The following RPL21 variants were observed in gnomAD, a reference collection of about 807,000 sequenced individuals.
RPL21 encodes the protein large ribosomal subunit protein eL21.
RPL21 carries 1 observed loss-of-function variant against 21.2 expected under a neutral mutation model. The observed-to-expected ratio is 0.05, with a 90% CI of 0.02 to 0.22. The LOEUF (loss-of-function observed/expected upper bound fraction) is 0.22, where lower values mean the gene tolerates loss of function less well. Ranked by LOEUF, RPL21 falls within the 10% of genes least tolerant of loss-of-function variation. The pLI is 1.00. For synonymous variants in RPL21, 52 were observed against 62.9 expected (o/e 0.83, Z 0.82); for missense variants, 113 against 199.4 (o/e 0.57, Z 2.61).
intron 4 of RPL21, chr13:27,255,920 T>C: frequency 2.5e-6 from 1 of 403,790 alleles, no homozygotes; most frequent in Non-Finnish European, 4.5e-6. Flanking sequence ...CTTTTAAATT[T>C]TATTAGCAGT....
At chr13:27,253,062 T>C (rs1046011619) in intron 1 of RPL21, among the ~76,000 whole-genome samples, 1 of 152,228 alleles carries the variant, frequency 6.6e-6, no homozygotes, top group Non-Finnish European at 1.5e-5. Context: ...TACTGAGCAC[T>C]TTACACGGGC....
intron 1 of RPL21, among the ~76,000 whole-genome samples, chr13:27,252,198 T>C (rs570433386): frequency 6.6e-6 from 1 of 152,170 alleles, no homozygotes; most frequent in Non-Finnish European, 1.5e-5. Flanking sequence ...TCCGACTGTT[T>C]TTAAAATTTT....
At chr13:27,254,901 A>C (rs773250096) in intron 3 of RPL21, 1 of 406,322 alleles carries the variant, frequency 2.5e-6, no homozygotes, top group Non-Finnish European at 4.7e-6. Context: ...AGCTAGTGGA[A>C]ATTGGGTGGT....
At chr13:27,252,585 G>C (rs1196692012) in intron 1 of RPL21, among the ~76,000 whole-genome samples, 1 of 150,672 alleles carries the variant, frequency 6.6e-6, no homozygotes, top group African/African-American at 2.4e-5. Context: ...TATGCCACTT[G>C]GTGATTCCAC....
intron 1 of RPL21, among the ~76,000 whole-genome samples, chr13:27,253,524 C>T (rs1473651573): frequency 6.6e-6 from 1 of 152,162 alleles, no homozygotes; most frequent in Non-Finnish European, 1.5e-5. Flanking sequence ...AGTTTGGATT[C>T]TCGTATCAAG....
At chr13:27,253,631 C>A in intron 1 of RPL21, 134 bp from the exon 2 acceptor site, 1 of 679,172 alleles carries the variant, frequency 1.5e-6, no homozygotes, top group Non-Finnish European at 2.7e-6. Context: ...TTCAACAGAA[C>A]TAACTGCTTG....
In RPL21 at chr13:27,254,553, C is replaced by A. The variant is rs1593261579; in HGVS notation, c.129+272C>A. On this transcript the variant is annotated intron_variant, in intron 3 of 5. Coordinates refer to ENST00000311549, the MANE Select transcript of RPL21 (RefSeq NM_000982.4). ...GGGATTACAGGCGTGCACCATGATACCTGGCTAATTTTGTATTTTTAGTAG... is the reference window on the plus strand; with the variant it reads ...GGGATTACAGGCGTGCACCATGATAACTGGCTAATTTTGTATTTTTAGTAG... 6 of 428,336 alleles carry A rather than the reference C, an allele frequency of 1.4e-5. No homozygotes were observed. In the East Asian group the frequency reaches 1.8e-4, roughly 13 times the overall value. The allele number at this position is 428,336 out of a possible 1,614,324, so 26.5% of individuals were successfully genotyped here. A position where few individuals can be genotyped will look rare whatever the true frequency, so the allele number is the denominator to read the frequency against.
chr13:27,255,672 C>T (rs1022366805), intron 4 of RPL21: 8 of 410,774 alleles, frequency 1.9e-5, no homozygotes, highest in South Asian at 3.8e-5. Flanking sequence ...CCTGGGTTCA[C>T]GCCATTCTCC....
At chr13:27,252,752 A>C (rs2137907212) in intron 1 of RPL21, among the ~76,000 whole-genome samples, 1 of 152,354 alleles carries the variant, frequency 6.6e-6, no homozygotes, top group African/African-American at 2.4e-5. Context: ...TTGGTGAGTT[A>C]GGTGAAACAT....
chr13:27,256,064 A>C (rs1347859821), intron 4 of RPL21, 120 bp from the exon 5 acceptor site: 1 of 772,296 alleles, frequency 1.3e-6, no homozygotes, highest in Non-Finnish European at 2.2e-6. Context: ...TACTTTGTTG[A>C]TTTGTCATAT....
intron 1 of RPL21, among the ~76,000 whole-genome samples, chr13:27,252,380 G>A (rs1474028094): frequency 1.3e-5 from 2 of 152,164 alleles, no homozygotes; most frequent in African/African-American, 2.4e-5. Flanking sequence ...ACAGAGTCGA[G>A]CAAACTGCAG....
chr13:27,254,938 G>A (rs1881824853), intron 3 of RPL21: 1 of 485,218 alleles, frequency 2.1e-6, no homozygotes, highest in Admixed American at 2.8e-5. Flanking sequence ...AGTTTATCAA[G>A]TTGGAAAGGA....
chr13:27,253,704 A>G, intron 1 of RPL21, 61 bp from the exon 2 acceptor site: 1 of 879,618 alleles, frequency 1.1e-6, no homozygotes, highest in South Asian at 1.3e-5. Context: ...TTGAAATTAC[A>G]GGGGTTTGGG....
chr13:27,255,778 C>T (rs947881204), intron 4 of RPL21: 97 of 343,884 alleles, frequency 2.8e-4, no homozygotes, highest in Non-Finnish European at 4.1e-4. Context: ...TTCACTGTGT[C>T]AGCCAGGATG....
At chr13:27,251,927 C>T (rs1428692816) in intron 1 of RPL21, 3 of 152,256 alleles carry the variant, frequency 2.0e-5, no homozygotes, top group Admixed American at 1.3e-4. Context: ...TGTGGGTGGC[C>T]CCTCTCACAT....
intron 3 of RPL21, chr13:27,254,981 GATTACT>G: frequency 1.6e-6 from 1 of 620,986 alleles, no homozygotes; most frequent in East Asian, 3.1e-5. Context: ...TATTGATGAA[GATTACT>G]ATTACTATGA....
In RPL21 at chr13:27,256,414, CCCTTTTTTTTT is replaced by C; in HGVS notation, c.394-16_394-6del. On this transcript the variant is annotated splice_polypyrimidine_tract_variant and intron_variant, in intron 5 of 5. Transcript: ENST00000311549. ...TAACACATCACATAATTATTTTATTCCCTTTTTTTTTCCTTTAATAGCCTGCTCCACCCAGA... is the reference window on the plus strand; with the variant it reads ...TAACACATCACATAATTATTTTATTCCCTTTAATAGCCTGCTCCACCCAGA... 1 of 1,573,016 alleles carries C rather than the reference CCCTTTTTTTTT, an allele frequency of 6.4e-7. No homozygotes were observed. Among genetic ancestry groups the C allele is most frequent in the Non-Finnish European group, 8.7e-7 (1 of 1,143,046 alleles).
At position 27,256,556 on chromosome 13, in the gene RPL21, T is replaced by C. The variant is rs772283761; in HGVS notation, c.*31T>C. On this transcript the variant is annotated 3_prime_UTR_variant, in exon 6 of 6. Coordinates refer to ENST00000311549, the MANE Select transcript of RPL21 (RefSeq NM_000982.4). The stretch of plus-strand genomic sequence containing the variant: ...GTTAAAAAAAAAAATAAAGGACCTC[T>C]GGGCTACAAAAATGTTTCTCTTCAT... 6.3e-6 allele frequency: 6 copies of C among 949,144 alleles called. No homozygotes were observed. In the South Asian group the frequency reaches 7.9e-5, roughly 13 times the overall value. The allele number at this position is 949,144 out of a possible 1,614,324, so 58.8% of individuals were successfully genotyped here.
chr13:27,255,180 CT>C, intron 3 of RPL21, 61 bp from the exon 4 acceptor site: 1 of 805,002 alleles, frequency 1.2e-6, no homozygotes, highest in Non-Finnish European at 2.3e-6. Flanking sequence ...TTTGCAGTTA[CT>C]TAAAGTCAGA....
Sources: allele counts gnomAD v4.1 joint callset (sites outside exome capture counted in the v4.1 genomes callset), GRCh38; gene constraint gnomAD v4.1.1; transcripts MANE v1.5; gene names NCBI Gene and HGNC (gene_info 2026-07-23, HGNC 2026-07-21).